Variants in RBM6 observed in about 807,000 individuals in gnomAD.
RBM6 encodes the protein RNA binding motif protein 6.
Under a neutral mutation model 140.4 loss-of-function variants are expected in RBM6, and 23 were observed. The observed-to-expected ratio is 0.16, with a 90% CI of 0.12 to 0.23. The LOEUF is 0.23. Ranked by LOEUF, RBM6 falls within the 10% of genes least tolerant of loss-of-function variation. The pLI is 1.00. For synonymous variants in RBM6, 439 were observed against 475.6 expected (o/e 0.92, Z 1.00); for missense variants, 1,139 against 1,386.7 (o/e 0.82, Z 2.84).
At chr3:50,049,952 A>G (rs528952738) in intron 7 of RBM6, among the ~76,000 whole-genome samples, 1 of 151,410 alleles carries the variant, frequency 6.6e-6, no homozygotes, top group East Asian at 1.9e-4. Context: ...CCTCCCAAAT[A>G]GCTGGGACTA....
intron 6 of RBM6, among the ~76,000 whole-genome samples, chr3:50,013,203 C>T (rs1184223393): frequency 6.6e-6 from 1 of 151,994 alleles, no homozygotes; most frequent in Non-Finnish European, 1.5e-5. Flanking sequence ...TGTGAATTTC[C>T]ATTGGGTTGA....
intron 6 of RBM6, among the ~76,000 whole-genome samples, chr3:50,012,855 G>A (rs928581541): frequency 1.4e-5 from 2 of 148,120 alleles, no homozygotes; most frequent in Admixed American, 7.0e-5. Flanking sequence ...CAATTCTCCT[G>A]CCTCAGCCTC....
At chr3:49,981,489 T>TCTTTATTCTAGAA (rs2085304017) in intron 5 of RBM6, 1 of 152,240 alleles carries the variant, frequency 6.6e-6, no homozygotes, top group African/African-American at 2.4e-5. Context: ...TTGTTTAGAT[T>TCTTTATTCTAGAA]CTTTATTCTA....
At chr3:50,025,338 A>G (rs2108805714) in intron 6 of RBM6, among the ~76,000 whole-genome samples, 1 of 150,848 alleles carries the variant, frequency 6.6e-6, no homozygotes, top group Admixed American at 6.6e-5. Flanking sequence ...CAGGATAATC[A>G]CTTGAACCCA....
chr3:50,054,528 TGGA>T, intron 8 of RBM6, 133 bp downstream of exon 8: 1 of 788,404 alleles, frequency 1.3e-6, no homozygotes, highest in Non-Finnish European at 2.1e-6. Context: ...TTTTTTGAGA[TGGA>T]GTCTCGCTGT....
chr3:50,029,604 G>C (rs2088032236), intron 6 of RBM6, among the ~76,000 whole-genome samples: 1 of 152,052 alleles, frequency 6.6e-6, no homozygotes, highest in South Asian at 2.1e-4. Flanking sequence ...GTGGTGGCGT[G>C]TACCTGTAGG....
At chr3:50,001,659 ACT>A (rs1230128480) in intron 6 of RBM6, among the ~76,000 whole-genome samples, 1 of 152,130 alleles carries the variant, frequency 6.6e-6, no homozygotes, top group African/African-American at 2.4e-5. Flanking sequence ...CCAAGGGACA[ACT>A]GTACTAACCA....
intron 6 of RBM6, among the ~76,000 whole-genome samples, chr3:50,040,493 T>TATACACAC (rs749096137): frequency 2.6e-4 from 22 of 85,860 alleles, no homozygotes; most frequent in Non-Finnish European, 3.5e-4. Context: ...TATATATATA[T>TATACACAC]ACACACACAC....
At chr3:50,061,254 T>G (rs776927123) in intron 13 of RBM6, 33 bp downstream of exon 13, 3 of 1,613,206 alleles carry the variant, frequency 1.9e-6, no homozygotes, top group Non-Finnish European at 2.5e-6. Context: ...CTGTTGCTCT[T>G]TTTTGCTTGA....
chr3:50,031,268 A>C (rs957193285), intron 6 of RBM6, among the ~76,000 whole-genome samples: 2 of 152,224 alleles, frequency 1.3e-5, no homozygotes, highest in African/African-American at 4.8e-5. Context: ...TGCTGCTATA[A>C]AGACACATGC....
Position 49,948,723 on chromosome 3 carries a change from A to AGCTGGGTGTACTGGCGGGCACCTGT in RBM6, c.-67+8498_-67+8499insGCTGGGTGTACTGGCGGGCACCTGT, listed in dbSNP as rs1365471312. ...GAGACTCTGTCTCAAAAAAGAAAAA[A>AGCTGGGTGTACTGGCGGGCACCTGT]AAAAAAAAGAATTGCTTGAACCCAG... On this transcript the variant is annotated intron_variant, in intron 1 of 20. Transcript: ENST00000266022. Among the ~76,000 whole-genome samples, 38 of 150,990 alleles carry AGCTGGGTGTACTGGCGGGCACCTGT rather than the reference A, an allele frequency of 2.5e-4. 2 individuals carry two copies. The East Asian group carries it at 4.2e-3, about 17-fold the overall frequency.
At chr3:50,007,695 G>A (rs1341211595) in intron 6 of RBM6, among the ~76,000 whole-genome samples, 1 of 151,706 alleles carries the variant, frequency 6.6e-6, no homozygotes, top group Non-Finnish European at 1.5e-5. Context: ...ACCACACCCG[G>A]CTAATTTTTT....
intron 5 of RBM6, among the ~76,000 whole-genome samples, chr3:49,999,164 G>A (rs929590418): frequency 1.3e-5 from 2 of 152,006 alleles, no homozygotes; most frequent in Non-Finnish European, 2.9e-5. Flanking sequence ...CAATTCTGGG[G>A]TACCTTCACC....
rs1212900531 is a variant in RBM6, at chr3:49,993,046, A to T, written c.1484-6394A>T. ...GAATAATTACTCCCCCTTTTGACTT[A>T]TGTAGCATCTTGAGGTGATCTATGA... On this transcript the variant is annotated intron_variant, in intron 5 of 20. Coordinates refer to ENST00000266022, the MANE Select transcript of RBM6 (RefSeq NM_005777.3). Among the ~76,000 whole-genome samples the T allele has an allele frequency of 2.6e-5, 4 of 152,200 alleles. No homozygotes were observed. In the East Asian group the frequency reaches 7.7e-4, roughly 29 times the overall value.
intron 6 of RBM6, among the ~76,000 whole-genome samples, chr3:50,041,275 T>C (rs551295599): frequency 3.5e-4 from 54 of 152,218 alleles, no homozygotes; most frequent in African/African-American, 1.2e-3. Flanking sequence ...TCCTGGATGC[T>C]CAAAGTGCAG....
intron 2 of RBM6, among the ~76,000 whole-genome samples, chr3:49,964,515 C>G (rs1360215361): frequency 6.6e-6 from 1 of 152,160 alleles, no homozygotes; most frequent in East Asian, 1.9e-4. Context: ...GCCACTCTTA[C>G]TCATTTGCAG....
At chr3:49,972,518 A>G (rs1320198530) in intron 4 of RBM6, among the ~76,000 whole-genome samples, 1 of 152,250 alleles carries the variant, frequency 6.6e-6, no homozygotes, top group Non-Finnish European at 1.5e-5. Flanking sequence ...AGTAAAAACT[A>G]GAAACTGCCT....
At chr3:50,009,285 C>G (rs1230937166) in intron 6 of RBM6, among the ~76,000 whole-genome samples, 4 of 152,230 alleles carry the variant, frequency 2.6e-5, no homozygotes, top group Admixed American at 1.3e-4. Flanking sequence ...CATGACCATA[C>G]CTGCCTTCCT....
intron 8 of RBM6, among the ~76,000 whole-genome samples, chr3:50,056,692 T>C (rs2089717691): frequency 6.6e-6 from 1 of 152,368 alleles, no homozygotes; most frequent in Middle Eastern, 3.4e-3. Context: ...ATCTCTATAT[T>C]GCTCTCATAT....
Sources: allele counts gnomAD v4.1 joint callset (sites outside exome capture counted in the v4.1 genomes callset), GRCh38; gene constraint gnomAD v4.1.1; transcripts MANE v1.5; gene names NCBI Gene and HGNC (gene_info 2026-07-23, HGNC 2026-07-21).